The following FSIP1 variants were observed in gnomAD, a reference collection of about 807,000 sequenced individuals.
FSIP1 encodes fibrous sheath-interacting protein 1.
Under a neutral mutation model 60.9 loss-of-function variants are expected in FSIP1, and 65 were observed. The observed-to-expected ratio is 1.07, with a 90% CI of 0.87 to 1.31. FSIP1 has a LOEUF of 1.31. Among genes scored for constraint, FSIP1 ranks in the 40% most tolerant of loss-of-function variants. FSIP1 has a pLI of 0.00. For synonymous variants in FSIP1, 209 were observed against 221.2 expected (o/e 0.94, Z 0.49); for missense variants, 675 against 665.5 (o/e 1.01, Z -0.16).
chr15:39,648,168 TAAAAAAAAA>T (rs59445778), intron 10 of FSIP1, among the ~76,000 whole-genome samples: 1 of 74,862 alleles, frequency 1.3e-5, no homozygotes, highest in Non-Finnish European at 3.6e-5. Flanking sequence ...TAAAGTATAA[TAAAAAAAAA>T]AAGAAAAAAA....
chr15:39,725,017 G>T (rs1031472010), intron 9 of FSIP1, among the ~76,000 whole-genome samples: 5 of 152,076 alleles, frequency 3.3e-5, no homozygotes, highest in Non-Finnish European at 5.9e-5. Context: ...CGGATCACGA[G>T]GTCAGGAGAT....
rs186956722 is a variant in FSIP1, at chr15:39,608,363, T to C, written c.1700-7437A>G. ...GTCATGCTCTACCCAGTGACAGATA[T>C]GCATCAGTGTGACTCATGTTCACAT... is the stretch of plus-strand genomic sequence containing the variant. On this transcript the variant is annotated intron_variant, in intron 11 of 11. Coordinates refer to ENST00000350221, the MANE Select transcript of FSIP1 (RefSeq NM_152597.5). 1.3e-4 allele frequency among the ~76,000 whole-genome samples: 20 copies of C among 152,328 alleles called. No homozygotes were observed. The East Asian group carries it at 3.7e-3, about 28-fold the overall frequency.
intron 1 of FSIP1, among the ~76,000 whole-genome samples, chr15:39,780,154 A>G (rs1014845415): frequency 1.4e-4 from 22 of 152,184 alleles, no homozygotes; most frequent in African/African-American, 5.1e-4. Context: ...TCTATCTTTT[A>G]TACCCATCGA....
chr15:39,774,263 G>A (rs915463285), intron 2 of FSIP1, among the ~76,000 whole-genome samples: 3 of 152,220 alleles, frequency 2.0e-5, no homozygotes, highest in Non-Finnish European at 2.9e-5. Flanking sequence ...CATGTGGATC[G>A]CCTGAGGTCA....
intron 10 of FSIP1, among the ~76,000 whole-genome samples, chr15:39,692,135 A>G (rs1381810903): frequency 2.0e-5 from 3 of 152,130 alleles, no homozygotes; most frequent in African/African-American, 7.2e-5. Context: ...ACTCCAGTCA[A>G]TAAGCAGTGT....
intron 9 of FSIP1, among the ~76,000 whole-genome samples, chr15:39,718,297 CAT>C (rs1333690339): frequency 2.0e-5 from 3 of 147,476 alleles, no homozygotes; most frequent in East Asian, 1.9e-4. Flanking sequence ...TAATTATATA[CAT>C]ATATATGTGT....
intron 3 of FSIP1, among the ~76,000 whole-genome samples, chr15:39,767,333 C>T (rs949365901): frequency 4.5e-4 from 69 of 152,298 alleles, no homozygotes; most frequent in African/African-American, 1.6e-3. Flanking sequence ...GTCTATATAG[C>T]GGGCATTTTG....
At chr15:39,696,544 C>T (rs962099876) in intron 10 of FSIP1, among the ~76,000 whole-genome samples, 1 of 152,136 alleles carries the variant, frequency 6.6e-6, no homozygotes, top group African/African-American at 2.4e-5. Flanking sequence ...CTCTGGAGGA[C>T]AATTTGGCAA....
intron 5 of FSIP1, among the ~76,000 whole-genome samples, chr15:39,746,002 C>T (rs1414184869): frequency 1.3e-5 from 2 of 151,886 alleles, no homozygotes; most frequent in South Asian, 4.2e-4. Flanking sequence ...TCCCTTGAGC[C>T]CAGGAATTCG....
chr15:39,706,713 A>C (rs889489097), intron 10 of FSIP1, among the ~76,000 whole-genome samples: 1 of 152,218 alleles, frequency 6.6e-6, no homozygotes, highest in African/African-American at 2.4e-5. Context: ...TGTTACAAAA[A>C]GTTAATTTCC....
chr15:39,646,297 T>G (rs1238572109), intron 10 of FSIP1, among the ~76,000 whole-genome samples: 1 of 151,912 alleles, frequency 6.6e-6, no homozygotes, highest in African/African-American at 2.4e-5. Context: ...TCTTCACCCT[T>G]CACTTGTCTG....
intron 8 of FSIP1, among the ~76,000 whole-genome samples, chr15:39,736,839 G>T (rs1896627082): frequency 6.6e-6 from 1 of 152,194 alleles, no homozygotes; most frequent in African/African-American, 2.4e-5. Flanking sequence ...CTCAGCTTCA[G>T]TCTGATCCCT....
intron 5 of FSIP1, among the ~76,000 whole-genome samples, chr15:39,744,111 G>A (rs943001934): frequency 6.6e-5 from 10 of 152,178 alleles, no homozygotes; most frequent in Non-Finnish European, 4.4e-5. Flanking sequence ...GTGTGTCCTT[G>A]TGTGGAGAGG....
intron 5 of FSIP1, among the ~76,000 whole-genome samples, chr15:39,756,572 G>C (rs670748): frequency 0.39 from 58,588 of 151,738 alleles, 12,408 homozygotes; most frequent in Middle Eastern, 0.58. Context: ...CCTGGCTTCA[G>C]GCAATCCTCC....
At chr15:39,708,175 A>G (rs1171988113) in intron 10 of FSIP1, among the ~76,000 whole-genome samples, 1 of 152,164 alleles carries the variant, frequency 6.6e-6, no homozygotes, top group Non-Finnish European at 1.5e-5. Flanking sequence ...ACCTAATACC[A>G]TGGGAACCAA....
intron 9 of FSIP1, among the ~76,000 whole-genome samples, chr15:39,720,412 G>C (rs1168872356): frequency 6.6e-6 from 1 of 152,030 alleles, no homozygotes; most frequent in Admixed American, 6.6e-5. Context: ...AATTAAGGAG[G>C]ACCTTTATAT....
intron 10 of FSIP1, among the ~76,000 whole-genome samples, chr15:39,620,890 G>A (rs977946334): frequency 2.6e-5 from 4 of 151,158 alleles, no homozygotes; most frequent in African/African-American, 9.7e-5. Context: ...ACAGGCGTGA[G>A]CCACCATGCC....
At chr15:39,630,103 TTC>T (rs1891818522) in intron 10 of FSIP1, among the ~76,000 whole-genome samples, 1 of 152,242 alleles carries the variant, frequency 6.6e-6, no homozygotes, top group Admixed American at 6.5e-5. Context: ...CCCCTGTACA[TTC>T]TGTAGAGCAC....
intron 10 of FSIP1, among the ~76,000 whole-genome samples, chr15:39,706,889 C>G (rs1190648829): frequency 1.3e-5 from 2 of 152,168 alleles, no homozygotes. Flanking sequence ...TACTCTATCA[C>G]AGACATCTTT....
Sources: allele counts gnomAD v4.1 joint callset (sites outside exome capture counted in the v4.1 genomes callset), GRCh38; gene constraint gnomAD v4.1.1; transcripts MANE v1.5; gene names NCBI Gene and HGNC (gene_info 2026-07-23, HGNC 2026-07-21).